CPVL: variants seen among roughly 807,000 people sequenced by gnomAD.
CPVL encodes carboxypeptidase vitellogenic like.
A neutral mutation model predicts 63.7 loss-of-function variants in CPVL; 51 were observed. That is an observed-to-expected ratio of 0.80 (90% CI 0.64 to 1.01). The LOEUF is 1.01. Ranked by LOEUF, CPVL falls within the 50% of genes least tolerant of loss-of-function variation. The pLI, the probability that CPVL is intolerant of heterozygous loss-of-function variation, is 0.00. For synonymous variants in CPVL, 195 were observed against 206.0 expected (o/e 0.95, Z 0.46); for missense variants, 530 against 573.1 (o/e 0.92, Z 0.77).
chr7:29,026,169 T>G (rs1249320691), intron 12 of CPVL, among the ~76,000 whole-genome samples: 2 of 152,116 alleles, frequency 1.3e-5, no homozygotes, highest in Non-Finnish European at 2.9e-5. Context: ...CAAGGAAAAC[T>G]TTGGAAACTG....
At chr7:29,114,271 A>C (rs888323018) in intron 2 of CPVL, among the ~76,000 whole-genome samples, 4 of 152,222 alleles carry the variant, frequency 2.6e-5, no homozygotes, top group Non-Finnish European at 5.9e-5. Context: ...AGGGCTTTAC[A>C]TGATGTGGGA....
chr7:29,046,085 CT>C (rs1233373004), intron 11 of CPVL, among the ~76,000 whole-genome samples: 3,045 of 135,236 alleles, frequency 0.023, 17 homozygotes, highest in African/African-American at 0.03. Flanking sequence ...CTAGATGAAC[CT>C]TTTTTTTTTT....
intron 12 of CPVL, chr7:29,012,877 C>T (rs1315974406): frequency 6.6e-6 from 1 of 152,184 alleles, no homozygotes; most frequent in Admixed American, 6.5e-5. Flanking sequence ...GCCCAGGTTC[C>T]ACCCCAGACC....
At chr7:29,131,616 G>C (rs1790706450) in intron 1 of CPVL, among the ~76,000 whole-genome samples, 1 of 152,138 alleles carries the variant, frequency 6.6e-6, no homozygotes, top group Admixed American at 6.5e-5. Flanking sequence ...AGGCATAAAT[G>C]ATCCTCCCAC....
At chr7:29,114,919 C>T (rs1788630005) in intron 2 of CPVL, among the ~76,000 whole-genome samples, 1 of 152,092 alleles carries the variant, frequency 6.6e-6, no homozygotes, top group Non-Finnish European at 1.5e-5. Flanking sequence ...ACAGGGAGCA[C>T]CTCTGAGCAG....
chr7:29,090,858 T>C (rs929160695), intron 6 of CPVL, among the ~76,000 whole-genome samples: 1 of 152,118 alleles, frequency 6.6e-6, no homozygotes, highest in East Asian at 1.9e-4. Context: ...GCACTATTAA[T>C]AGTCAAAAAG....
chr7:29,128,029 C>A (rs549336590), intron 1 of CPVL: 1 of 150,856 alleles, frequency 6.6e-6, no homozygotes, highest in Non-Finnish European at 1.5e-5. Context: ...CAGCCATGAA[C>A]CTTGTGATGG....
At chr7:29,065,778 GAAA>G (rs1404991149) in intron 10 of CPVL, among the ~76,000 whole-genome samples, 13 of 152,108 alleles carry the variant, frequency 8.5e-5, no homozygotes, top group African/African-American at 3.1e-4. Context: ...CTACTTGGGG[GAAA>G]TCATGTTCAT....
chr7:29,096,057 C>T (rs370612766), intron 4 of CPVL, 46 bp downstream of exon 4: 7 of 1,439,586 alleles, frequency 4.9e-6, no homozygotes, highest in Non-Finnish European at 5.9e-6. Context: ...AGGTATGAGG[C>T]TCAGATGAAA....
intron 5 of CPVL, among the ~76,000 whole-genome samples, chr7:29,179,363 T>G (rs929200893): frequency 6.6e-6 from 1 of 152,200 alleles, no homozygotes; most frequent in Non-Finnish European, 1.5e-5. Context: ...CCACACAGTG[T>G]CAGCCTTCTT....
chr7:29,004,523 G>A (rs1583944370), intron 12 of CPVL, among the ~76,000 whole-genome samples: 1 of 152,208 alleles, frequency 6.6e-6, no homozygotes, highest in South Asian at 2.1e-4. Flanking sequence ...TCCTTGGGCA[G>A]TATAGTTAAT....
At chr7:29,159,078 A>G (rs1049135199) in intron 5 of CPVL, among the ~76,000 whole-genome samples, 1 of 152,208 alleles carries the variant, frequency 6.6e-6, no homozygotes, top group Non-Finnish European at 1.5e-5. Context: ...CCATTAAGTC[A>G]TTAGGTGGCT....
intron 12 of CPVL, among the ~76,000 whole-genome samples, chr7:29,008,435 G>A (rs1785436335): frequency 6.6e-6 from 1 of 152,104 alleles, no homozygotes; most frequent in Non-Finnish European, 1.5e-5. Flanking sequence ...CTAGGCAAGT[G>A]GGATATTGGA....
At chr7:29,172,628 A>G (rs909501964) in intron 5 of CPVL, among the ~76,000 whole-genome samples, 3 of 152,226 alleles carry the variant, frequency 2.0e-5, no homozygotes, top group Admixed American at 6.5e-5. Context: ...AGTAAAGTCC[A>G]TCTTTGACAT....
intron 5 of CPVL, among the ~76,000 whole-genome samples, chr7:29,164,891 T>C (rs969201797): frequency 6.6e-5 from 10 of 152,150 alleles, no homozygotes; most frequent in Non-Finnish European, 1.5e-4. Flanking sequence ...TCTAGAGTGT[T>C]CCATTGATCT....
intron 2 of CPVL, among the ~76,000 whole-genome samples, chr7:29,116,899 C>T (rs534019572): frequency 2.0e-5 from 3 of 152,196 alleles, no homozygotes; most frequent in South Asian, 4.2e-4. Context: ...CTGTTTATCT[C>T]GAAAATGTTC....
chr7:29,153,318 G>T (rs1268671367), intron 5 of CPVL, among the ~76,000 whole-genome samples: 1 of 152,094 alleles, frequency 6.6e-6, no homozygotes, highest in Non-Finnish European at 1.5e-5. Context: ...GTTGACCCTT[G>T]AACGCATGTG....
intron 6 of CPVL, among the ~76,000 whole-genome samples, chr7:29,092,327 T>A (rs1439335792): frequency 6.6e-6 from 1 of 151,910 alleles, no homozygotes; most frequent in Non-Finnish European, 1.5e-5. Context: ...AAAAGAAGAA[T>A]CCTGAGAAAC....
chr7:29,137,544 A>T (rs1029244497), intron 1 of CPVL, among the ~76,000 whole-genome samples: 1 of 152,236 alleles, frequency 6.6e-6, no homozygotes, highest in African/African-American at 2.4e-5. Flanking sequence ...GAACATGCCT[A>T]GCCCAGGTAG....
Sources: gnomAD v4.1 joint callset for allele counts (sites outside exome capture counted in the v4.1 genomes callset) on GRCh38, gnomAD v4.1.1 for gene constraint, MANE v1.5 for transcripts, NCBI Gene and HGNC (gene_info 2026-07-23, HGNC 2026-07-21) for gene names.